UBE2Q2: variants seen among roughly 807,000 people sequenced by gnomAD.
The protein encoded by UBE2Q2 is ubiquitin-conjugating enzyme E2 Q2.
Under a neutral mutation model 59.9 loss-of-function variants are expected in UBE2Q2, and 54 were observed. The ratio of observed to expected loss-of-function variants is 0.90; its 90% CI spans 0.72 to 1.13. UBE2Q2 has a LOEUF of 1.13. Among genes scored for constraint, UBE2Q2 ranks in the 50% most tolerant of loss-of-function variants. The pLI, the probability that UBE2Q2 is intolerant of heterozygous loss-of-function variation, is 0.00. For missense variants in UBE2Q2, 433 were observed against 441.9 expected (o/e 0.98, Z 0.18); for synonymous variants, 165 against 155.2 (o/e 1.06, Z -0.47).
At chr15:75,873,651 A>G (rs1897916403) in intron 5 of UBE2Q2, 83 bp downstream of exon 5, 1 of 1,433,472 alleles carries the variant, frequency 7.0e-7, no homozygotes, top group Non-Finnish European at 9.5e-7. Context: ...TAACATGCCC[A>G]TCTCAGCTGC....
chr15:75,899,616 T>TA lies in UBE2Q2; in HGVS notation c.*159dup. On this transcript the variant is annotated 3_prime_UTR_variant, in exon 13 of 13. Coordinates refer to ENST00000267938, the MANE Select transcript of UBE2Q2 (RefSeq NM_173469.4). ...CTGTCATCTGACATCCAGTATAAGT[T>TA]ACAGCCTTTGCATTTTGCTCATTTT... The TA allele has an allele frequency of 3.6e-6, 2 of 561,378 alleles. No individual in the cohort carries two copies. Among genetic ancestry groups the TA allele is most frequent in the South Asian group, 2.5e-5 (1 of 40,620 alleles). The allele number at this position is 561,378 out of a possible 1,614,324, so 34.8% of individuals were successfully genotyped here.
intron 6 of UBE2Q2, among the ~76,000 whole-genome samples, chr15:75,876,986 C>G (rs765143346): frequency 6.6e-6 from 1 of 151,858 alleles, no homozygotes; most frequent in Non-Finnish European, 1.5e-5. Context: ...GCGAGCGAAG[C>G]CCCATCTCTA....
intron 9 of UBE2Q2, among the ~76,000 whole-genome samples, chr15:75,885,009 CTTAAT>C (rs1362001085): frequency 6.6e-6 from 1 of 151,970 alleles, no homozygotes; most frequent in East Asian, 1.9e-4. Context: ...TTAAATATTT[CTTAAT>C]TTTATTTTTT....
chr15:75,883,792 T>C (rs1177026588), intron 9 of UBE2Q2, among the ~76,000 whole-genome samples: 3 of 152,110 alleles, frequency 2.0e-5, no homozygotes, highest in Admixed American at 1.3e-4. Flanking sequence ...CATTATGTTG[T>C]TGATAGGTAA....
intron 1 of UBE2Q2, among the ~76,000 whole-genome samples, chr15:75,854,036 T>C (rs753353472): frequency 6.6e-6 from 1 of 152,200 alleles, no homozygotes; most frequent in Non-Finnish European, 1.5e-5. Context: ...AGTGATGTTA[T>C]TACTTTTGCT....
chr15:75,890,444 G>A lies in UBE2Q2; in HGVS notation c.894G>A (p.Leu298=). ...VLPVLSGGYV[L]GGGALCMELL... ...CTTTTTTCTTTTTAAGGTATGTATT[G>A]GGTGGAGGAGCATTATGTATGGAAC... The change falls in exon 10 of 13, where the codon TTG becomes TTA. Residue 298 remains leucine (L), a synonymous_variant. Coordinates refer to ENST00000267938, the MANE Select transcript of UBE2Q2 (RefSeq NM_173469.4). 6.2e-7 allele frequency: 1 copy of A among 1,605,246 alleles called. No homozygotes were observed. The highest frequency in any genetic ancestry group is 8.5e-7 in the Non-Finnish European group (1 of 1,177,982).
At chr15:75,845,642 A>T (rs941974273) in intron 1 of UBE2Q2, among the ~76,000 whole-genome samples, 1 of 152,190 alleles carries the variant, frequency 6.6e-6, no homozygotes, top group African/African-American at 2.4e-5. Flanking sequence ...GGGTGGCATT[A>T]GGAAATGTGG....
chr15:75,861,530 T>C (rs1317506937), intron 3 of UBE2Q2, among the ~76,000 whole-genome samples: 1 of 152,206 alleles, frequency 6.6e-6, no homozygotes, highest in Non-Finnish European at 1.5e-5. Flanking sequence ...TTGAATCTTC[T>C]CATAATTTTG....
At chr15:75,871,847 A>T (rs528136032) in intron 4 of UBE2Q2, among the ~76,000 whole-genome samples, 22 of 152,238 alleles carry the variant, frequency 1.4e-4, no homozygotes, top group Non-Finnish European at 2.8e-4. Flanking sequence ...GGCCTTAAGC[A>T]GGGAATAGTG....
At chr15:75,845,613 A>G (rs1309126616) in intron 1 of UBE2Q2, among the ~76,000 whole-genome samples, 1 of 152,232 alleles carries the variant, frequency 6.6e-6, no homozygotes, top group Non-Finnish European at 1.5e-5. Context: ...ATCCAGGATT[A>G]GAAATGGTTC....
At chr15:75,876,599 T>G (rs1898094668) in intron 6 of UBE2Q2, among the ~76,000 whole-genome samples, 1 of 152,208 alleles carries the variant, frequency 6.6e-6, no homozygotes, top group South Asian at 2.1e-4. Flanking sequence ...AGTAAAACAT[T>G]TCATTTTACA....
At chr15:75,866,732 A>G (rs1428552011) in intron 3 of UBE2Q2, among the ~76,000 whole-genome samples, 1 of 152,120 alleles carries the variant, frequency 6.6e-6, no homozygotes, top group Non-Finnish European at 1.5e-5. Context: ...GGTCAAGTCC[A>G]TAGTACTCTG....
chr15:75,844,383 G>T, intron 1 of UBE2Q2: 1 of 1,551,400 alleles, frequency 6.4e-7, no homozygotes, highest in Non-Finnish European at 8.7e-7. Context: ...CGGAGGAAAA[G>T]TTGGAATGCA....
rs115868146 is a variant in UBE2Q2 at position 75,850,129 on chromosome 15, G to A, written c.181-4257G>A. 3.5e-3 allele frequency among the ~76,000 whole-genome samples: 533 copies of A among 152,298 alleles called. 3 individuals carry two copies. The highest frequency in any genetic ancestry group is 0.012 in the African/African-American group (491 of 41,564). ...AAACTGAACAAACCTTGAACATGAT[G>A]TAGAGTTTGTGCTGAAGGTTAAGTT... On this transcript the variant is annotated intron_variant, in intron 1 of 12. Coordinates refer to ENST00000267938, the MANE Select transcript of UBE2Q2 (RefSeq NM_173469.4).
At chr15:75,861,146 C>T (rs1364653544) in intron 3 of UBE2Q2, among the ~76,000 whole-genome samples, 2 of 152,230 alleles carry the variant, frequency 1.3e-5, no homozygotes, top group East Asian at 3.8e-4. Flanking sequence ...TGAGTTCGTA[C>T]AAGTAAACCA....
intron 1 of UBE2Q2, chr15:75,844,072 G>C: frequency 1.4e-6 from 2 of 1,413,946 alleles, no homozygotes; most frequent in Non-Finnish European, 1.8e-6. Context: ...GCCAGGGGCT[G>C]GCTTGGGGGC....
At chr15:75,860,684 C>G (rs550040163) in intron 3 of UBE2Q2, among the ~76,000 whole-genome samples, 1 of 152,058 alleles carries the variant, frequency 6.6e-6, no homozygotes, top group East Asian at 1.9e-4. Flanking sequence ...TTAAAAAATT[C>G]TGTTGTAGCC....
chr15:75,879,029 T>G, intron 7 of UBE2Q2, 69 bp from the exon 8 acceptor site: 1 of 1,194,772 alleles, frequency 8.4e-7, no homozygotes, highest in Non-Finnish European at 1.2e-6. Flanking sequence ...CTAGTTCATT[T>G]TTGAGTTTAG....
chr15:75,886,926 T>C (rs1278238800), intron 9 of UBE2Q2, among the ~76,000 whole-genome samples: 1 of 152,098 alleles, frequency 6.6e-6, no homozygotes, highest in Admixed American at 6.5e-5. Context: ...CAGTATAGCT[T>C]TTCAACATTT....
Sources: allele counts gnomAD v4.1 joint callset (sites outside exome capture counted in the v4.1 genomes callset), GRCh38; gene constraint gnomAD v4.1.1; transcripts MANE v1.5; gene names NCBI Gene and HGNC (gene_info 2026-07-23, HGNC 2026-07-21).